Variants in XXYLT1 observed in about 807,000 individuals in gnomAD.
The protein encoded by XXYLT1 is UDP-xylose:alpha-xyloside alpha-1,3-xylosyltransferase.
A neutral mutation model predicts 28.9 loss-of-function variants in XXYLT1; 20 were observed. The observed-to-expected ratio is 0.69, with a 90% CI of 0.49 to 1.00. XXYLT1 has a LOEUF of 1.00. Among genes scored for constraint, XXYLT1 ranks in the 50% least tolerant of loss-of-function variants. The pLI is 0.00. For missense variants in XXYLT1, 542 were observed against 560.1 expected (o/e 0.97, Z 0.33); for synonymous variants, 257 against 253.8 (o/e 1.01, Z -0.12).
At chr3:195,253,008 G>A (rs1305457835) in intron 1 of XXYLT1, among the ~76,000 whole-genome samples, 6 of 152,182 alleles carry the variant, frequency 3.9e-5, no homozygotes, top group South Asian at 2.1e-4. Flanking sequence ...TCAAGGGAAC[G>A]TGGGAAAATG....
chr3:195,251,916 G>A (rs983356633), intron 1 of XXYLT1, among the ~76,000 whole-genome samples: 3 of 152,132 alleles, frequency 2.0e-5, no homozygotes, highest in Non-Finnish European at 2.9e-5. Context: ...CACATTGTTC[G>A]CCTGGGTGTT....
At chr3:195,250,272 A>G (rs1725197895) in intron 1 of XXYLT1, among the ~76,000 whole-genome samples, 2 of 152,114 alleles carry the variant, frequency 1.3e-5, no homozygotes, top group South Asian at 4.1e-4. Flanking sequence ...CCAATTAAAA[A>G]CTGCAACTGG....
At chr3:195,071,315 C>G (rs902548351) in intron 3 of XXYLT1, among the ~76,000 whole-genome samples, 5 of 152,226 alleles carry the variant, frequency 3.3e-5, no homozygotes, top group Admixed American at 2.6e-4. Flanking sequence ...CCCACCCAAA[C>G]CCAGGATAGG....
intron 3 of XXYLT1, among the ~76,000 whole-genome samples, chr3:195,089,585 A>C (rs1266240969): frequency 1.3e-5 from 2 of 152,200 alleles, no homozygotes; most frequent in Non-Finnish European, 2.9e-5. Flanking sequence ...CCAAAATGTA[A>C]AGACCATCGA....
At chr3:195,183,238 G>A (rs909007291) in intron 2 of XXYLT1, among the ~76,000 whole-genome samples, 2 of 152,172 alleles carry the variant, frequency 1.3e-5, no homozygotes, top group Non-Finnish European at 2.9e-5. Context: ...CATCGTGAGA[G>A]GGACCTGGTA....
intron 3 of XXYLT1, among the ~76,000 whole-genome samples, chr3:195,088,156 G>A (rs537464706): frequency 5.6e-4 from 63 of 112,434 alleles, no homozygotes; most frequent in Middle Eastern, 5.2e-3. Flanking sequence ...AAAGCAGCCG[G>A]GAAGCTCGAA....
intron 2 of XXYLT1, among the ~76,000 whole-genome samples, chr3:195,160,399 G>A (rs1418948538): frequency 6.6e-6 from 1 of 152,196 alleles, no homozygotes; most frequent in Non-Finnish European, 1.5e-5. Flanking sequence ...TCACTGCAGA[G>A]CATCAGCCCA....
At chr3:195,143,744 GA>G (rs1247833098) in intron 3 of XXYLT1, among the ~76,000 whole-genome samples, 1 of 143,240 alleles carries the variant, frequency 7.0e-6, no homozygotes, top group Non-Finnish European at 1.5e-5. Flanking sequence ...TTTACTAGAT[GA>G]TCACCTTTTC....
rs78257019 is a variant in XXYLT1 at position 195,150,498 on chromosome 3, C to T, written c.785+5951G>A. ...GGCACAGCACCATCAGCAAATAAAA[C>T]CATGTGACTTAAAAAGGTGAACGAG... On this transcript the variant is annotated intron_variant, in intron 3 of 3. Transcript: ENST00000310380. This position sits in a 1 kb window ranked among gnomAD's most constrained non-coding sequence, Gnocchi z 4.7. Among the ~76,000 whole-genome samples, 4,264 of 152,318 alleles carry T rather than the reference C, an allele frequency of 0.028. 203 individuals carry two copies. Among genetic ancestry groups the T allele is most frequent in the African/African-American group, 0.097 (4,043 of 41,548 alleles).
At chr3:195,156,664 A>C in intron 2 of XXYLT1, 83 bp from the exon 3 acceptor site, 1 of 1,547,632 alleles carries the variant, frequency 6.5e-7, no homozygotes, top group Non-Finnish European at 8.8e-7. Context: ...AGTGGAGGGC[A>C]GAGAAAAGGG....
intron 2 of XXYLT1, among the ~76,000 whole-genome samples, chr3:195,174,194 G>A (rs1577108564): frequency 1.3e-5 from 2 of 152,184 alleles, no homozygotes; most frequent in South Asian, 2.1e-4. Context: ...GAGACCCTTT[G>A]TCTAGAGCCT....
At chr3:195,127,290 C>A (rs1308142921) in intron 3 of XXYLT1, among the ~76,000 whole-genome samples, 1 of 152,172 alleles carries the variant, frequency 6.6e-6, no homozygotes, top group African/African-American at 2.4e-5. Context: ...CAAGCATCAT[C>A]CGTAGATTTG....
chr3:195,072,014 A>C (rs1006214167), intron 3 of XXYLT1, among the ~76,000 whole-genome samples: 36 of 151,854 alleles, frequency 2.4e-4, no homozygotes, highest in African/African-American at 8.5e-4. Context: ...ATCTTTCTTT[A>C]CTGTCCAGAG....
intron 2 of XXYLT1, among the ~76,000 whole-genome samples, chr3:195,161,655 G>C (rs1173271634): frequency 7.3e-6 from 1 of 136,596 alleles, no homozygotes; most frequent in Non-Finnish European, 1.5e-5. Flanking sequence ...TTTTTTTTGA[G>C]ATGGAGTCTT....
rs558380765 is a variant in XXYLT1, at chr3:195,240,218, G to A, written c.505-13362C>T. Reference sequence around the variant, plus strand: ...ACTCTTTCGAAAGGGACAGTGTAGGGAGGAGGGGAAAGAGGTGAAGCTTGC... The same window carrying A: ...ACTCTTTCGAAAGGGACAGTGTAGGAAGGAGGGGAAAGAGGTGAAGCTTGC... On this transcript the variant is annotated intron_variant, in intron 1 of 3. Coordinates refer to ENST00000310380, the MANE Select transcript of XXYLT1 (RefSeq NM_152531.5). This position sits in a 1 kb window ranked among gnomAD's most constrained non-coding sequence, Gnocchi z 4.7. 1.1e-3 allele frequency among the ~76,000 whole-genome samples: 174 copies of A among 152,332 alleles called. 2 individuals are homozygous for A. Among genetic ancestry groups the A allele is most frequent in the Admixed American group, 9.8e-3 (150 of 15,304 alleles).
chr3:195,127,440 T>C (rs1718695365), intron 3 of XXYLT1, among the ~76,000 whole-genome samples: 1 of 152,160 alleles, frequency 6.6e-6, no homozygotes, highest in Non-Finnish European at 1.5e-5. Context: ...CTTGCAAAGA[T>C]TTCGAGGTGG....
At chr3:195,244,866 A>C (rs1724946492) in intron 1 of XXYLT1, among the ~76,000 whole-genome samples, 1 of 129,324 alleles carries the variant, frequency 7.7e-6, no homozygotes, top group South Asian at 2.7e-4. Flanking sequence ...AAAAAAAAAC[A>C]AAAAAAAACC....
At chr3:195,247,895 T>C in intron 1 of XXYLT1, 1 of 681,698 alleles carries the variant, frequency 1.5e-6, no homozygotes, top group Non-Finnish European at 2.7e-6. Flanking sequence ...AAACAGCAGA[T>C]CTCCTGAGAG....
rs1721512453 is a variant in XXYLT1, at chr3:195,173,488, C to T, written c.653-16907G>A. Among the ~76,000 whole-genome samples, 2 of 152,216 alleles carry T rather than the reference C, an allele frequency of 1.3e-5. No homozygotes were observed. Among genetic ancestry groups the T allele is most frequent in the African/African-American group, 4.8e-5 (2 of 41,456 alleles). ...AAGAACAGCTCCCAGCACAGCCTTGCTATGCACCTAAAAACGGACATGAAA... is the reference window on the plus strand; with the variant it reads ...AAGAACAGCTCCCAGCACAGCCTTGTTATGCACCTAAAAACGGACATGAAA... On this transcript the variant is annotated intron_variant, in intron 2 of 3. Coordinates refer to ENST00000310380, the MANE Select transcript of XXYLT1 (RefSeq NM_152531.5). The surrounding 1 kb of genome is among the most constrained non-coding windows in gnomAD (Gnocchi z 4.3).
Sources: gnomAD v4.1 joint callset for allele counts (sites outside exome capture counted in the v4.1 genomes callset) on GRCh38, gnomAD v4.1.1 for gene constraint, Gnocchi (gnomAD v3.1) non-coding constraint, MANE v1.5 for transcripts, NCBI Gene and HGNC (gene_info 2026-07-23, HGNC 2026-07-21) for gene names.